The following CHP1 variants were observed in gnomAD, a reference collection of about 807,000 sequenced individuals.
The protein encoded by CHP1 is calcineurin B homologous protein 1.
CHP1 carries 11 observed loss-of-function variants against 27.4 expected under a neutral mutation model. That is an observed-to-expected ratio of 0.40 (90% CI 0.25 to 0.67). CHP1 has a LOEUF of 0.67. CHP1 is among the 30% of genes least tolerant of loss of function. The pLI, the probability that CHP1 is intolerant of heterozygous loss-of-function variation, is 0.38. For missense variants in CHP1, 169 were observed against 251.3 expected (o/e 0.67, Z 2.22); for synonymous variants, 89 against 87.4 (o/e 1.02, Z -0.10).
rs79546694 is a variant in CHP1 at position 41,252,600 on chromosome 15, G to A, written c.141-4310G>A. ...GCTTGAGATAGAAGTTACCTGTGAG[G>A]CTGAATCTCTCTGTAAGAGAAGGGA... On this transcript the variant is annotated intron_variant, in intron 2 of 6. Transcript: ENST00000334660. 7.0e-4 allele frequency among the ~76,000 whole-genome samples: 106 copies of A among 152,298 alleles called. 1 individual carries two copies. The East Asian group carries it at 0.019, about 27-fold the overall frequency.
Position 41,280,323 on chromosome 15 carries a change from T to A in CHP1, c.*934T>A, listed in dbSNP as rs2047539080. Reference sequence around the variant, plus strand: ...CACCAGAATGGCTGCTCTGACAATATGCCTAGGGACTTTCTCATGGCTTTT... The same window carrying A: ...CACCAGAATGGCTGCTCTGACAATAAGCCTAGGGACTTTCTCATGGCTTTT... On this transcript the variant is annotated 3_prime_UTR_variant, in exon 7 of 7. Transcript: ENST00000334660. The A allele has an allele frequency of 1.3e-5, 2 of 152,560 alleles. 1 individual carries two copies. Among genetic ancestry groups the A allele is most frequent in the South Asian group, 4.1e-4 (2 of 4,826 alleles). The allele number at this position is 152,560 out of a possible 1,614,324, so 9.5% of individuals were successfully genotyped here.
At chr15:41,258,139 C>A (rs1024843047) in intron 3 of CHP1, among the ~76,000 whole-genome samples, 2 of 152,090 alleles carry the variant, frequency 1.3e-5, no homozygotes, top group Non-Finnish European at 2.9e-5. Flanking sequence ...CACATACATA[C>A]ATGTATGTAT....
At chr15:41,264,556 A>C (rs1268580129) in intron 4 of CHP1, among the ~76,000 whole-genome samples, 1 of 152,136 alleles carries the variant, frequency 6.6e-6, no homozygotes, top group Non-Finnish European at 1.5e-5. Flanking sequence ...TTTTTGCCTC[A>C]GCCTCTCAAG....
At chr15:41,268,126 A>G (rs1209318594) in intron 4 of CHP1, among the ~76,000 whole-genome samples, 1 of 152,170 alleles carries the variant, frequency 6.6e-6, no homozygotes, top group Non-Finnish European at 1.5e-5. Context: ...GACAGACTAT[A>G]GAGAAGACGG....
chr15:41,276,336 C>A (rs2047519716), intron 5 of CHP1, among the ~76,000 whole-genome samples: 1 of 151,958 alleles, frequency 6.6e-6, no homozygotes, highest in African/African-American at 2.4e-5. Context: ...GAGGCCCTTT[C>A]CTTTCTGTGG....
intron 1 of CHP1, among the ~76,000 whole-genome samples, chr15:41,233,160 T>G (rs1434177983): frequency 6.6e-6 from 1 of 152,238 alleles, no homozygotes; most frequent in African/African-American, 2.4e-5. Context: ...TTTTATTACG[T>G]TTTGTGGCCA....
intron 2 of CHP1, among the ~76,000 whole-genome samples, chr15:41,252,326 G>A (rs562722749): frequency 5.9e-4 from 89 of 151,946 alleles, no homozygotes; most frequent in African/African-American, 1.9e-3. Context: ...CCGCCACCAC[G>A]CCCGTCTGAT....
chr15:41,270,188 G>C (rs1350627677), intron 4 of CHP1, among the ~76,000 whole-genome samples: 1 of 151,978 alleles, frequency 6.6e-6, no homozygotes, highest in Non-Finnish European at 1.5e-5. Context: ...CCTATTGTTG[G>C]TTTTCCCTGA....
chr15:41,257,955 A>G (rs62001387), intron 3 of CHP1, among the ~76,000 whole-genome samples: 114 of 152,350 alleles, frequency 7.5e-4, no homozygotes, highest in Non-Finnish European at 1.4e-3. Flanking sequence ...GCACATAACC[A>G]GATGTGACAA....
chr15:41,249,286 C>T (rs2047351736), intron 2 of CHP1, among the ~76,000 whole-genome samples: 1 of 151,926 alleles, frequency 6.6e-6, no homozygotes, highest in Non-Finnish European at 1.5e-5. Flanking sequence ...TCCTGAGTAG[C>T]TGGGACTACA....
At position 41,281,674 on chromosome 15, in the gene CHP1, G is replaced by A. The variant is rs2047547066; in HGVS notation, c.*2285G>A. The A allele has an allele frequency of 6.6e-6, 1 of 152,606 alleles. No individual in the cohort carries two copies. Among genetic ancestry groups the A allele is most frequent in the Admixed American group, 6.5e-5 (1 of 15,272 alleles). The allele number at this position is 152,606 out of a possible 1,614,324, so 9.5% of individuals were successfully genotyped here. ...CAGTCAGATTTTATGATTAAGTGATGTAATATAGGAATTATGTAAAAGGGA... is the reference window on the plus strand; with the variant it reads ...CAGTCAGATTTTATGATTAAGTGATATAATATAGGAATTATGTAAAAGGGA... On this transcript the variant is annotated 3_prime_UTR_variant, in exon 7 of 7. Transcript: ENST00000334660.
chr15:41,260,217 G>T (rs1278247969), intron 3 of CHP1, among the ~76,000 whole-genome samples: 2 of 151,602 alleles, frequency 1.3e-5, no homozygotes, highest in Non-Finnish European at 2.9e-5. Context: ...ATCTGCCTTA[G>T]ATAAATAAAT....
chr15:41,270,960 A>G (rs905190339), intron 5 of CHP1, among the ~76,000 whole-genome samples: 12 of 152,162 alleles, frequency 7.9e-5, no homozygotes, highest in African/African-American at 2.2e-4. Flanking sequence ...GTAAAAATAC[A>G]AAAATTAGCC....
At chr15:41,246,008 AT>A (rs917252198) in intron 2 of CHP1, among the ~76,000 whole-genome samples, 1 of 150,266 alleles carries the variant, frequency 6.7e-6, no homozygotes, top group Non-Finnish European at 1.5e-5. Flanking sequence ...GTCCAACATC[AT>A]TTTTTTTTGC....
chr15:41,261,143 C>T (rs1259959502), intron 3 of CHP1, among the ~76,000 whole-genome samples: 3 of 149,854 alleles, frequency 2.0e-5, no homozygotes, highest in Non-Finnish European at 3.0e-5. Context: ...CTTTTCCTTT[C>T]CTTTCCCTTT....
intron 1 of CHP1, among the ~76,000 whole-genome samples, chr15:41,241,097 C>T (rs774513039): frequency 2.0e-5 from 3 of 152,166 alleles, no homozygotes; most frequent in East Asian, 1.9e-4. Flanking sequence ...AGCATCCGCC[C>T]GCCTTGGCCT....
chr15:41,253,172 C>G (rs1026326575), intron 2 of CHP1, among the ~76,000 whole-genome samples: 1 of 151,518 alleles, frequency 6.6e-6, no homozygotes, highest in African/African-American at 2.4e-5. Context: ...CTCTTGACCT[C>G]GTGATCCACC....
At chr15:41,275,083 C>T (rs575961174) in intron 5 of CHP1, among the ~76,000 whole-genome samples, 4 of 152,086 alleles carry the variant, frequency 2.6e-5, no homozygotes, top group Admixed American at 6.5e-5. Context: ...CCACCACATC[C>T]GGTGCATTGT....
At chr15:41,250,982 G>A (rs921848955) in intron 2 of CHP1, among the ~76,000 whole-genome samples, 17 of 151,918 alleles carry the variant, frequency 1.1e-4, no homozygotes, top group Middle Eastern at 3.2e-3. Context: ...TTATAGGCGT[G>A]CACTACCACG....
Sources: gnomAD v4.1 joint callset for allele counts (sites outside exome capture counted in the v4.1 genomes callset) on GRCh38, gnomAD v4.1.1 for gene constraint, MANE v1.5 for transcripts, NCBI Gene and HGNC (gene_info 2026-07-23, HGNC 2026-07-21) for gene names.